OLFM1: variants seen among roughly 807,000 people sequenced by gnomAD.
The protein encoded by OLFM1 is noelin.
Under a neutral mutation model 49.7 loss-of-function variants are expected in OLFM1, and 9 were observed. That is an observed-to-expected ratio of 0.18 (90% CI 0.11 to 0.32). OLFM1 has a LOEUF of 0.32. OLFM1 is among the 10% of genes least tolerant of loss of function. The pLI is 1.00. For synonymous variants in OLFM1, 240 were observed against 271.8 expected (o/e 0.88, Z 1.15); for missense variants, 369 against 661.8 (o/e 0.56, Z 4.85).
At position 135,080,861 on chromosome 9, in the gene OLFM1, G is replaced by A. The variant is rs941255451; in HGVS notation, c.96+5059G>A. 3.3e-5 allele frequency among the ~76,000 whole-genome samples: 5 copies of A among 152,034 alleles called. No individual in the cohort carries two copies. Among genetic ancestry groups the A allele is most frequent in the African/African-American group, 1.2e-4 (5 of 41,410 alleles). The stretch of plus-strand genomic sequence containing the variant: ...CGCTCGGAAACCTCAGCGCTGTCCC[G>A]ACTGGCACCGCAGGGCGACCGAAGG... On this transcript the variant is annotated intron_variant, in intron 1 of 5. Coordinates refer to the OLFM1 transcript ENST00000252854. The surrounding 1 kb of genome is among the most constrained non-coding windows in gnomAD (Gnocchi z 4.5).
chr9:135,109,754 G>T (rs545653206), intron 5 of OLFM1, among the ~76,000 whole-genome samples: 1 of 152,286 alleles, frequency 6.6e-6, no homozygotes, highest in African/African-American at 2.4e-5. Flanking sequence ...CGGCTTCAGT[G>T]CAGGCTGCCA....
chr9:135,097,839 T>C (rs1830821156), intron 3 of OLFM1: 1 of 1,611,800 alleles, frequency 6.2e-7, no homozygotes, highest in Non-Finnish European at 8.5e-7. Context: ...TCCACTCCCA[T>C]GTAACCATGA....
At chr9:135,106,641 A>G in intron 4 of OLFM1, 108 bp from the exon 5 acceptor site, 1 of 754,292 alleles carries the variant, frequency 1.3e-6, no homozygotes, top group Non-Finnish European at 2.2e-6. Flanking sequence ...CGAGGGCAAG[A>G]GGAGAAGCCG....
intron 1 of OLFM1, chr9:135,076,088 G>A: frequency 1.3e-6 from 2 of 1,522,778 alleles, no homozygotes; most frequent in Non-Finnish European, 1.8e-6. Flanking sequence ...CTGCTGAGAA[G>A]TTCAAAGGGC....
At position 135,087,961 on chromosome 9, in the gene OLFM1, A is replaced by G; in HGVS notation, c.-29A>G. The G allele has an allele frequency of 7.1e-7, 1 of 1,408,302 alleles. No individual in the cohort carries two copies. The highest frequency in any genetic ancestry group is 9.4e-7 in the Non-Finnish European group (1 of 1,068,312). 87.2% of individuals were successfully genotyped at this position (1,408,302 alleles called of 1,614,324 possible). A position where few individuals can be genotyped will look rare whatever the true frequency, so the allele number is the denominator to read the frequency against. On this transcript the variant is annotated 5_prime_UTR_variant, in exon 1 of 6. Transcript: ENST00000371793. ...GGCGCGGGAGCCGGTGCCAGCTCGG[A>G]GCGGGCGCTGGAGGCAGCTCGAGGC... is the stretch of plus-strand genomic sequence containing the variant.
At chr9:135,116,777 C>T (rs764890520) in intron 5 of OLFM1, among the ~76,000 whole-genome samples, 2 of 151,676 alleles carry the variant, frequency 1.3e-5, no homozygotes, top group Non-Finnish European at 1.5e-5. Flanking sequence ...CACATGGCCC[C>T]GTTCCCTCCA....
chr9:135,118,482 T>G lies in OLFM1; in HGVS notation c.784-1022T>G, dbSNP rs189559880. 9.1e-4 allele frequency among the ~76,000 whole-genome samples: 135 copies of G among 148,720 alleles called. 1 individual carries two copies. Among genetic ancestry groups the G allele is most frequent in the African/African-American group, 2.9e-3 (115 of 39,866 alleles). On this transcript the variant is annotated intron_variant, in intron 5 of 5. Coordinates refer to ENST00000371793, the MANE Select transcript of OLFM1 (RefSeq NM_001282611.2). Reference sequence around the variant, plus strand: ...TAGAGTGCTTACTGGGTCTTTGGAGTGCTCACTGGGTCTTTGGAGTGCTCG... The same window carrying G: ...TAGAGTGCTTACTGGGTCTTTGGAGGGCTCACTGGGTCTTTGGAGTGCTCG...
At position 135,117,971 on chromosome 9, in the gene OLFM1, T is replaced by C. The variant is rs1038114544; in HGVS notation, c.784-1533T>C. On this transcript the variant is annotated intron_variant, in intron 5 of 5. Coordinates refer to ENST00000371793, the MANE Select transcript of OLFM1 (RefSeq NM_001282611.2). This position sits in a 1 kb window ranked among gnomAD's most constrained non-coding sequence, Gnocchi z 5.5. ...ATAGCACAATAGCTGTGTCTCCTTT[T>C]GAGGAGTGTGCTGGGTTTGGAGGTA... is the stretch of plus-strand genomic sequence containing the variant. Among the ~76,000 whole-genome samples, 7 of 152,232 alleles carry C rather than the reference T, an allele frequency of 4.6e-5. No homozygotes were observed. Among genetic ancestry groups the C allele is most frequent in the Admixed American group, 4.6e-4 (7 of 15,284 alleles).
chr9:135,090,481 G>T (rs1830670113), intron 2 of OLFM1, 137 bp downstream of exon 2: 4 of 871,536 alleles, frequency 4.6e-6, no homozygotes, highest in Non-Finnish European at 7.0e-6. Flanking sequence ...TTCCTGGTTT[G>T]TCTCCACTCA....
At chr9:135,114,120 A>ATTT (rs1564280453) in intron 5 of OLFM1, among the ~76,000 whole-genome samples, 13 of 72,512 alleles carry the variant, frequency 1.8e-4, no homozygotes, top group African/African-American at 5.1e-4. Context: ...TCATCTTGAG[A>ATTT]TTCTTTTTTT....
At chr9:135,081,982 T>G (rs1030473927) in intron 1 of OLFM1, among the ~76,000 whole-genome samples, 5 of 152,218 alleles carry the variant, frequency 3.3e-5, no homozygotes, top group African/African-American at 4.8e-5. Flanking sequence ...CGTGTGTGGC[T>G]GCTCACCTGG....
chr9:135,108,634 A>G (rs1214712416), intron 5 of OLFM1, among the ~76,000 whole-genome samples: 1 of 149,550 alleles, frequency 6.7e-6, no homozygotes, highest in Non-Finnish European at 1.5e-5. Context: ...CTCTGTCTCA[A>G]AAAAAAAAAA....
chr9:135,097,939 C>A (rs10858334), intron 3 of OLFM1: 23 of 1,473,214 alleles, frequency 1.6e-5, no homozygotes, highest in East Asian at 4.8e-5. Flanking sequence ...TGAATACAAC[C>A]AGGATCCTCC....
In OLFM1 at chr9:135,088,225, G is replaced by A; in HGVS notation, c.150+86G>A. ...CGGTCCGGAGCCCCGGGCTGGGCGG[G>A]CGCCGCGCGGGACCCGAGTCGCCCA... On this transcript the variant is annotated intron_variant, in intron 1 of 5. Transcript: ENST00000371793. The surrounding 1 kb of genome is among the most constrained non-coding windows in gnomAD (Gnocchi z 4.8). The A allele has an allele frequency of 8.5e-7, 1 of 1,173,838 alleles. No individual in the cohort carries two copies. The highest frequency in any genetic ancestry group is 1.1e-6 in the Non-Finnish European group (1 of 939,264). 72.7% of individuals were successfully genotyped at this position (1,173,838 alleles called of 1,614,324 possible).
At position 135,118,712 on chromosome 9, in the gene OLFM1, T is replaced by C. The variant is rs148165188; in HGVS notation, c.784-792T>C. On this transcript the variant is annotated intron_variant, in intron 5 of 5. Coordinates refer to ENST00000371793, the MANE Select transcript of OLFM1 (RefSeq NM_001282611.2). Reference sequence around the variant, plus strand: ...TCACTGGGTCTTTGGAAATGCTCACTGGGTCTCTGGAGTACTCACTGGGTC... The same window carrying C: ...TCACTGGGTCTTTGGAAATGCTCACCGGGTCTCTGGAGTACTCACTGGGTC... 2.2e-3 allele frequency among the ~76,000 whole-genome samples: 322 copies of C among 146,416 alleles called. 6 individuals carry two copies. In the East Asian group the frequency reaches 0.038, roughly 17 times the overall value.
rs567929505 is a variant in OLFM1, at chr9:135,117,846, G to A, written c.784-1658G>A. Among the ~76,000 whole-genome samples, 192 of 152,302 alleles carry A rather than the reference G, an allele frequency of 1.3e-3. No individual in the cohort carries two copies. Among genetic ancestry groups the A allele is most frequent in the Admixed American group, 2.0e-3 (31 of 15,300 alleles). ...TTCTTTCTTCAAACTGGGCCTGTGT[G>A]TCCCATCCCAAATTCCCACTAGATC... is the stretch of plus-strand genomic sequence containing the variant. On this transcript the variant is annotated intron_variant, in intron 5 of 5. Transcript: ENST00000371793. This position sits in a 1 kb window ranked among gnomAD's most constrained non-coding sequence, Gnocchi z 5.5.
intron 1 of OLFM1, chr9:135,076,105 A>AG (rs1830461567): frequency 6.5e-7 from 1 of 1,541,906 alleles, no homozygotes; most frequent in African/African-American, 1.4e-5. Context: ...GGGCAGCACG[A>AG]GGGGGTCTTT....
chr9:135,081,957 G>A (rs1052929255), intron 1 of OLFM1, among the ~76,000 whole-genome samples: 8 of 152,178 alleles, frequency 5.3e-5, no homozygotes, highest in African/African-American at 1.2e-4. Flanking sequence ...CGCTGCGTTC[G>A]AACTGACCCG....
At chr9:135,112,806 G>A (rs1277175713) in intron 5 of OLFM1, among the ~76,000 whole-genome samples, 1 of 152,200 alleles carries the variant, frequency 6.6e-6, no homozygotes, top group African/African-American at 2.4e-5. Flanking sequence ...ACCACCACAT[G>A]GGGCCGCCAA....
Sources: gnomAD v4.1 joint callset for allele counts (sites outside exome capture counted in the v4.1 genomes callset) on GRCh38, gnomAD v4.1.1 for gene constraint, Gnocchi (gnomAD v3.1) non-coding constraint, MANE v1.5 for transcripts, NCBI Gene and HGNC (gene_info 2026-07-23, HGNC 2026-07-21) for gene names.